PPP2R2C: variants seen among roughly 807,000 people sequenced by gnomAD.
PPP2R2C encodes the protein protein phosphatase 2 regulatory subunit Bgamma.
PPP2R2C carries 10 observed loss-of-function variants against 45.3 expected under a neutral mutation model. The observed-to-expected ratio is 0.22, with a 90% confidence interval of 0.14 to 0.37. PPP2R2C has a LOEUF of 0.37. Among genes scored for constraint, PPP2R2C ranks in the 10% least tolerant of loss-of-function variants. The pLI is 1.00. For missense variants in PPP2R2C, 308 were observed against 619.7 expected, an observed-to-expected ratio of 0.50 and a Z score of 5.34; for synonymous variants, 257 against 245.4, an observed-to-expected ratio of 1.05 and a Z score of -0.44.
chr4:6,356,254 C>T, intron 5 of PPP2R2C, among the ~76,000 whole-genome samples: 1 of 152,218 alleles, frequency 6.6e-6, no homozygotes, highest in East Asian at 1.9e-4. Flanking sequence ...GTACCTGTCG[C>T]AGCTAACACG....
In PPP2R2C at chr4:6,458,370, G is replaced by A. The variant is rs576977063; in HGVS notation, c.70+13790C>T. Among the ~76,000 whole-genome samples the A allele has an allele frequency of 1.6e-4, 24 of 152,258 alleles. 1 individual carries two copies. In the South Asian group the frequency reaches 4.6e-3, roughly 29 times the overall value. ...AAGATCAAGGCACAGCAGATTTGGT[G>A]TCCACTGAGGTCCAACTTCCTGACT... On this transcript the variant is annotated intron_variant, in intron 1 of 8. Coordinates refer to ENST00000382599, the MANE Select transcript of PPP2R2C (RefSeq NM_020416.4).
intron 1 of PPP2R2C, among the ~76,000 whole-genome samples, chr4:6,451,058 A>G (rs1720709525): frequency 6.6e-6 from 1 of 152,102 alleles, no homozygotes; most frequent in Admixed American, 6.5e-5. Context: ...GCCCTCCTGG[A>G]CGTGCCACCA....
intron 1 of PPP2R2C, chr4:6,383,009 A>G: frequency 9.3e-7 from 1 of 1,074,806 alleles, no homozygotes; most frequent in Non-Finnish European, 1.1e-6. Context: ...CACCCCTCCC[A>G]TGGTGGGCCA....
chr4:6,403,047 A>T (rs6446501), intron 1 of PPP2R2C, among the ~76,000 whole-genome samples: 3 of 152,092 alleles, frequency 2.0e-5, no homozygotes, highest in East Asian at 1.9e-4. Context: ...GCAGGAGGGC[A>T]GTAATTTCCA....
At position 6,425,373 on chromosome 4, in the gene PPP2R2C, G is replaced by C. The variant is rs144761371; in HGVS notation, c.71-44279C>G. ...TCCTGGGCACCTGCACAGTCTCTCT[G>C]ATCCAAATCGCCTCACTGCAGAGTC... On this transcript the variant is annotated intron_variant, in intron 1 of 8. Transcript: ENST00000382599. Among the ~76,000 whole-genome samples the C allele has an allele frequency of 1.2e-4, 19 of 152,332 alleles. No homozygotes were observed. The East Asian group carries it at 3.3e-3, about 26-fold the overall frequency.
chr4:6,410,070 G>A (rs1006096874), intron 1 of PPP2R2C, among the ~76,000 whole-genome samples: 15 of 152,168 alleles, frequency 9.9e-5, no homozygotes, highest in African/African-American at 3.6e-4. Flanking sequence ...CCACACCACT[G>A]GGCAAGCTGG....
At chr4:6,517,058 G>A (rs1468344673) in intron 2 of PPP2R2C, among the ~76,000 whole-genome samples, 3 of 152,184 alleles carry the variant, frequency 2.0e-5, no homozygotes, top group Non-Finnish European at 4.4e-5. Context: ...ACACTCCCAG[G>A]AATAACTGTG....
In PPP2R2C at chr4:6,375,885, G is replaced by C. The variant is rs748602611; in HGVS notation, c.381C>G (p.Pro127=). ...CTTCATCCTTCAGGTTGTATCCTTCGGGCCTTTTATCTCGTTCGGTAATCT... is the reference window on the plus strand; with the variant it reads ...CTTCATCCTTCAGGTTGTATCCTTCCGGCCTTTTATCTCGTTCGGTAATCT... ...LWKITERDKR[P]EGYNLKDEEG... Residue 127 remains proline (P), a synonymous_variant, in exon 4 of 9, where the codon CCC becomes CCG. Coordinates refer to ENST00000382599, the MANE Select transcript of PPP2R2C (RefSeq NM_020416.4). 4 of 1,613,928 alleles carry C rather than the reference G, an allele frequency of 2.5e-6. No individual in the cohort carries two copies. The highest frequency in any genetic ancestry group is 1.3e-5 in the African/African-American group (1 of 74,908).
intron 1 of PPP2R2C, among the ~76,000 whole-genome samples, chr4:6,422,487 A>G (rs1351788553): frequency 6.6e-6 from 1 of 152,220 alleles, no homozygotes; most frequent in Non-Finnish European, 1.5e-5. Flanking sequence ...TTCTAGTGCC[A>G]CCATAACAAA....
upstream of PPP2R2C, among the ~76,000 whole-genome samples, chr4:6,476,365 G>A (rs531489432): frequency 6.6e-6 from 1 of 152,260 alleles, no homozygotes; most frequent in South Asian, 2.1e-4. Context: ...TTAGGAGGTG[G>A]GGTCTTTGAG....
chr4:6,549,470 T>C (rs956161906), intron 1 of PPP2R2C, among the ~76,000 whole-genome samples: 1 of 151,880 alleles, frequency 6.6e-6, no homozygotes, highest in Non-Finnish European at 1.5e-5. Flanking sequence ...GGGAAGGGAG[T>C]CCCAGGCAGA....
Position 6,345,288 on chromosome 4 carries a change from G to C in PPP2R2C, c.790+2558C>G, listed in dbSNP as rs1711739551. On this transcript the variant is annotated intron_variant, in intron 6 of 8. Transcript: ENST00000382599. This position sits in a 1 kb window ranked among gnomAD's most constrained non-coding sequence, Gnocchi z 5.3. ...GCACAGCTGGAGGCACATGTGGCCT[G>C]AGTGAATGGGCGGGAGGCGTAGGTG... Among the ~76,000 whole-genome samples, 1 of 152,194 alleles carries C rather than the reference G, an allele frequency of 6.6e-6. No homozygotes were observed. Among genetic ancestry groups the C allele is most frequent in the Non-Finnish European group, 1.5e-5 (1 of 68,038 alleles).
chr4:6,443,350 G>A (rs1053947024), intron 1 of PPP2R2C, among the ~76,000 whole-genome samples: 8 of 152,204 alleles, frequency 5.3e-5, no homozygotes, highest in Admixed American at 1.3e-4. Context: ...TAGGCAAAGC[G>A]CACTTTAGGA....
chr4:6,429,937 AAC>A (rs1023556001), intron 1 of PPP2R2C, among the ~76,000 whole-genome samples: 2 of 152,114 alleles, frequency 1.3e-5, no homozygotes, highest in African/African-American at 4.8e-5. Context: ...GCTTCTACTG[AAC>A]ACAAGGCCCA....
chr4:6,515,339 T>C (rs4565150), intron 2 of PPP2R2C, among the ~76,000 whole-genome samples: 70,366 of 152,020 alleles, frequency 0.46, 16,748 homozygotes, highest in East Asian at 0.74. Flanking sequence ...CAACAAGTAC[T>C]GGATGGTGAG....
In PPP2R2C at chr4:6,322,909, T is replaced by C. The variant is rs2109142701; in HGVS notation, c.*393A>G. On this transcript the variant is annotated 3_prime_UTR_variant, in exon 9 of 9. Transcript: ENST00000382599. This position sits in a 1 kb window ranked among gnomAD's most constrained non-coding sequence, Gnocchi z 7.8. ...AGCAGCTCCCATCAGCTCCGGTCCC[T>C]GCAACAGGACGCACTGGAGTGAAAA... 1 of 160,764 alleles carries C rather than the reference T, an allele frequency of 6.2e-6. No homozygotes were observed. Among genetic ancestry groups the C allele is most frequent in the Non-Finnish European group, 1.4e-5 (1 of 73,734 alleles). 10.0% of individuals were successfully genotyped at this position (160,764 alleles called of 1,614,324 possible). A position where few individuals can be genotyped will look rare whatever the true frequency, so the allele number is the denominator to read the frequency against.
intron 6 of PPP2R2C, among the ~76,000 whole-genome samples, chr4:6,347,299 T>C (rs1359254368): frequency 6.6e-6 from 1 of 152,028 alleles, no homozygotes; most frequent in Non-Finnish European, 1.5e-5. Context: ...TCACAAAATG[T>C]CCCCTGGAAC....
intron 6 of PPP2R2C, among the ~76,000 whole-genome samples, chr4:6,337,872 C>T (rs1052160532): frequency 3.9e-5 from 6 of 152,146 alleles, no homozygotes; most frequent in African/African-American, 1.4e-4. Context: ...AACGATAGAT[C>T]GGAAGGGATA....
At chr4:6,552,414 C>G (rs972994771) in intron 1 of PPP2R2C, among the ~76,000 whole-genome samples, 1 of 152,124 alleles carries the variant, frequency 6.6e-6, no homozygotes, top group South Asian at 2.1e-4. Flanking sequence ...TGGAGGTGTC[C>G]GCATTCCTTG....
Sources: gnomAD v4.1 joint callset for allele counts (sites outside exome capture counted in the v4.1 genomes callset) on GRCh38, gnomAD v4.1.1 for gene constraint, Gnocchi (gnomAD v3.1) non-coding constraint, MANE v1.5 for transcripts, NCBI Gene and HGNC (gene_info 2026-07-23, HGNC 2026-07-21) for gene names.